RMDN1: variants seen among roughly 807,000 people sequenced by gnomAD.
The protein encoded by RMDN1 is regulator of microtubule dynamics 1.
RMDN1 carries 48 observed loss-of-function variants against 48.9 expected under a neutral mutation model. The ratio of observed to expected loss-of-function variants is 0.98; its 90% CI spans 0.78 to 1.25. RMDN1 has a LOEUF of 1.25. Among genes scored for constraint, RMDN1 ranks in the 50% most tolerant of loss-of-function variants. The pLI is 0.00. For synonymous variants in RMDN1, 148 were observed against 132.6 expected, an observed-to-expected ratio of 1.12 and a Z score of -0.80; for missense variants, 418 against 373.4, an observed-to-expected ratio of 1.12 and a Z score of -0.98.
At chr8:86,481,566 T>C (rs1392087149) in intron 5 of RMDN1, among the ~76,000 whole-genome samples, 2 of 142,652 alleles carry the variant, frequency 1.4e-5, no homozygotes, top group East Asian at 3.9e-4. Context: ...TTTCCTTTTT[T>C]TTTTTTTTTT....
Position 86,500,072 on chromosome 8 carries a change from T to C in RMDN1, c.247+6923A>G, listed in dbSNP as rs528167321. Reference sequence around the variant, plus strand: ...GACTTAAATATAAGACCTACAACTATAAAAACCTAGAAGAAAACCTAGGAA... The same window carrying C: ...GACTTAAATATAAGACCTACAACTACAAAAACCTAGAAGAAAACCTAGGAA... On this transcript the variant is annotated intron_variant, in intron 2 of 9. Transcript: ENST00000406452. 7.2e-5 allele frequency among the ~76,000 whole-genome samples: 11 copies of C among 152,092 alleles called. No homozygotes were observed. In the South Asian group the frequency reaches 2.3e-3, roughly 32 times the overall value.
intron 2 of RMDN1, among the ~76,000 whole-genome samples, chr8:86,489,369 T>C (rs771259830): frequency 1.4e-4 from 21 of 152,202 alleles, no homozygotes; most frequent in Non-Finnish European, 2.2e-4. Flanking sequence ...GAAAACTGTC[T>C]ACTTAATGAA....
At chr8:86,504,867 A>C (rs1465934263) in intron 2 of RMDN1, 1 of 1,077,788 alleles carries the variant, frequency 9.3e-7, no homozygotes, top group Admixed American at 1.7e-5. Flanking sequence ...AGGAGCCTGT[A>C]TTTTTATTAT....
chr8:86,509,441 C>T (rs772337342), upstream of RMDN1, among the ~76,000 whole-genome samples: 10 of 152,058 alleles, frequency 6.6e-5, no homozygotes, highest in Admixed American at 2.6e-4. Flanking sequence ...TTGGATCCTA[C>T]TTGAGGCCTG....
intron 2 of RMDN1, among the ~76,000 whole-genome samples, chr8:86,494,418 T>C (rs894002676): frequency 6.6e-6 from 1 of 152,114 alleles, no homozygotes; most frequent in Non-Finnish European, 1.5e-5. Context: ...TAGCTGGGCA[T>C]GGTGACACAT....
At chr8:86,489,616 C>CGTCAGGAG (rs1173020048) in intron 2 of RMDN1, among the ~76,000 whole-genome samples, 1 of 151,852 alleles carries the variant, frequency 6.6e-6, no homozygotes, top group Non-Finnish European at 1.5e-5. Context: ...AGGACCACCA[C>CGTCAGGAG]GTCAGGAGAT....
intron 2 of RMDN1, chr8:86,505,165 G>T: frequency 1.8e-6 from 2 of 1,125,688 alleles, no homozygotes; most frequent in Non-Finnish European, 2.4e-6. Flanking sequence ...TCTGAATGCT[G>T]CTACTTGATT....
intron 1 of RMDN1, 25 bp from the exon 2 acceptor site, chr8:86,507,137 T>C: frequency 1.4e-6 from 2 of 1,449,094 alleles, no homozygotes. Flanking sequence ...ATGTTAAGAG[T>C]TACAAACTTT....
chr8:86,510,492 G>GT (rs1408920292), upstream of RMDN1, among the ~76,000 whole-genome samples: 2 of 151,972 alleles, frequency 1.3e-5, no homozygotes, highest in Non-Finnish European at 2.9e-5. Flanking sequence ...TAAATGTATA[G>GT]TCCCATCGGT....
chr8:86,502,956 A>G (rs1374413223), intron 2 of RMDN1, among the ~76,000 whole-genome samples: 2 of 152,238 alleles, frequency 1.3e-5, no homozygotes, highest in Non-Finnish European at 2.9e-5. Flanking sequence ...AGGCAGCTCT[A>G]ATTTCTAGGA....
chr8:86,507,576 G>C (rs1367194606), intron 1 of RMDN1, among the ~76,000 whole-genome samples: 2 of 152,200 alleles, frequency 1.3e-5, no homozygotes, highest in African/African-American at 2.4e-5. Context: ...CTGGACTCAA[G>C]CAATCCTTCC....
intron 2 of RMDN1, among the ~76,000 whole-genome samples, chr8:86,497,700 C>CAAA (rs1213399491): frequency 2.9e-5 from 2 of 68,256 alleles, no homozygotes; most frequent in African/African-American, 5.8e-5. Flanking sequence ...GACACTATCT[C>CAAA]AAAAAAAAAA....
intron 8 of RMDN1, among the ~76,000 whole-genome samples, chr8:86,475,244 G>A (rs1045992144): frequency 6.6e-6 from 1 of 152,074 alleles, no homozygotes; most frequent in Non-Finnish European, 1.5e-5. Flanking sequence ...TGAAGCTCCC[G>A]ATAGAATGTA....
rs760975134 is a variant in RMDN1 at position 86,472,528 on chromosome 8, CATT to C, written c.*1777_*1779del. On this transcript the variant is annotated 3_prime_UTR_variant, in exon 10 of 10. Coordinates refer to ENST00000406452, the MANE Select transcript of RMDN1 (RefSeq NM_016033.3). Reference sequence around the variant, plus strand: ...ACAATAACCTTTTAAAATACAGCATCATTAAGTGGGAAACTGAAAGCCTGCCAT... The same window carrying C: ...ACAATAACCTTTTAAAATACAGCATCAAGTGGGAAACTGAAAGCCTGCCAT... 810 of 697,728 alleles carry C rather than the reference CATT, an allele frequency of 1.2e-3. 4 individuals carry two copies. The highest frequency in any genetic ancestry group is 1.4e-3 in the Non-Finnish European group (554 of 383,840). 43.2% of individuals were successfully genotyped at this position (697,728 alleles called of 1,614,324 possible).
chr8:86,508,857 A>T, upstream of RMDN1: 1 of 1,201,012 alleles, frequency 8.3e-7, no homozygotes, highest in Non-Finnish European at 1.0e-6. Flanking sequence ...TGCGTCCAGG[A>T]CTGAGGCCGT....
upstream of RMDN1, among the ~76,000 whole-genome samples, chr8:86,513,684 T>C (rs1820166041): frequency 6.6e-6 from 1 of 152,200 alleles, no homozygotes; most frequent in African/African-American, 2.4e-5. Flanking sequence ...ATTTGTAAAA[T>C]GGGTATACTG....
At chr8:86,469,071 T>C (rs1142528), downstream of RMDN1, among the ~76,000 whole-genome samples, 63,997 of 147,488 alleles carry the variant, frequency 0.43, 14,519 homozygotes, top group East Asian at 0.59. Context: ...ACAGGCCCAA[T>C]ACAATTCTGT....
intron 5 of RMDN1, chr8:86,482,917 G>T: frequency 1.1e-6 from 1 of 905,522 alleles, no homozygotes; most frequent in Non-Finnish European, 1.9e-6. Flanking sequence ...ACATCTGGCT[G>T]TTTCCTCCAG....
rs992337254 is a variant in RMDN1, at chr8:86,478,762, A to G, written c.729+161T>C. 3 of 656,392 alleles carry G rather than the reference A, an allele frequency of 4.6e-6. No individual in the cohort carries two copies. The Admixed American group carries it at 8.2e-5, about 18-fold the overall frequency. 40.7% of individuals were successfully genotyped at this position (656,392 alleles called of 1,614,324 possible). A position where few individuals can be genotyped will look rare whatever the true frequency, so the allele number is the denominator to read the frequency against. ...GGAAAAAGAAAACCACTCACCAGTC[A>G]AGGATAATAAGTGTTAAGCCTTGTG... On this transcript the variant is annotated intron_variant, in intron 7 of 9. Transcript: ENST00000406452.
Sources: allele counts gnomAD v4.1 joint callset (sites outside exome capture counted in the v4.1 genomes callset), GRCh38; gene constraint gnomAD v4.1.1; transcripts MANE v1.5; gene names NCBI Gene and HGNC (gene_info 2026-07-23, HGNC 2026-07-21).